ECM2: variants seen among roughly 807,000 people sequenced by gnomAD.
ECM2 encodes the protein extracellular matrix protein 2.
ECM2 carries 57 observed loss-of-function variants against 67.5 expected under a neutral mutation model. The ratio of observed to expected loss-of-function variants is 0.84; its 90% CI spans 0.68 to 1.05. ECM2 has a LOEUF of 1.05. Among genes scored for constraint, ECM2 ranks in the 50% least tolerant of loss-of-function variants. The pLI is 0.00. For missense variants in ECM2, 741 were observed against 822.8 expected (o/e 0.90, Z 1.22); for synonymous variants, 258 against 294.5 (o/e 0.88, Z 1.27).
At chr9:92,522,429 C>T (rs1848131266) in intron 2 of ECM2, 146 bp downstream of exon 2, 1 of 967,780 alleles carries the variant, frequency 1.0e-6, no homozygotes, top group Non-Finnish European at 1.4e-6. Context: ...TAGATTAAAC[C>T]AAAAAGTAAT....
rs145295181 is a variant in ECM2, at chr9:92,519,589, G to A, written c.293-1714C>T. Among the ~76,000 whole-genome samples the A allele has an allele frequency of 6.8e-4, 103 of 152,296 alleles. 1 individual carries two copies. Among genetic ancestry groups the A allele is most frequent in the Admixed American group, 1.7e-3 (26 of 15,286 alleles). On this transcript the variant is annotated intron_variant, in intron 2 of 9. Transcript: ENST00000344604. The stretch of plus-strand genomic sequence containing the variant: ...AACAATCTTCAACAACTAGTGCTGG[G>A]ACAACACCAGCAAGAGAATGAAGCT...
upstream of ECM2, among the ~76,000 whole-genome samples, chr9:92,536,869 A>T (rs796716057): frequency 0.11 from 15,406 of 141,474 alleles, 893 homozygotes; most frequent in Middle Eastern, 0.15. Flanking sequence ...TATTTTTTAA[A>T]TTTTTTTTTT....
intron 2 of ECM2, 21 bp downstream of exon 2, chr9:92,522,554 T>A: frequency 6.4e-7 from 1 of 1,562,818 alleles, no homozygotes; most frequent in Non-Finnish European, 8.7e-7. Flanking sequence ...TTTCTGTCTC[T>A]CTCTCATAGT....
chr9:92,507,884 G>A (rs896834712), intron 6 of ECM2, among the ~76,000 whole-genome samples: 2 of 152,152 alleles, frequency 1.3e-5, no homozygotes, highest in Admixed American at 6.5e-5. Flanking sequence ...CTTCAGCAAG[G>A]TGTGTGCAGC....
chr9:92,515,864 T>A (rs1847670353), intron 3 of ECM2, among the ~76,000 whole-genome samples: 1 of 152,188 alleles, frequency 6.6e-6, no homozygotes, highest in South Asian at 2.1e-4. Context: ...GTGATGTTGC[T>A]TTAACTTAGA....
rs1846331456 is a variant in ECM2, at chr9:92,496,103, CTG to C, written c.*210_*211del. The C allele has an allele frequency of 8.5e-7, 1 of 1,182,166 alleles. No homozygotes were observed. The highest frequency in any genetic ancestry group is 1.0e-6 in the Non-Finnish European group (1 of 957,210). The allele number at this position is 1,182,166 out of a possible 1,614,324, so 73.2% of individuals were successfully genotyped here. A position where few individuals can be genotyped will look rare whatever the true frequency, so the allele number is the denominator to read the frequency against. On this transcript the variant is annotated 3_prime_UTR_variant, in exon 10 of 10. Transcript: ENST00000344604. ...ATGGCCTCTTTCTAGAGGTAGGAAA[CTG>C]AGAGATTTTACCTTTACTATTAATA...
chr9:92,519,929 C>A (rs1347826781), intron 2 of ECM2, among the ~76,000 whole-genome samples: 2 of 151,046 alleles, frequency 1.3e-5, no homozygotes, highest in Non-Finnish European at 1.5e-5. Flanking sequence ...GTCCTGATAT[C>A]CAGAATATTC....
intron 1 of ECM2, among the ~76,000 whole-genome samples, chr9:92,526,501 C>A (rs1848418172): frequency 6.6e-6 from 1 of 151,426 alleles, no homozygotes; most frequent in Non-Finnish European, 1.5e-5. Context: ...TATAAACAAC[C>A]TAATAATACA....
At chr9:92,512,351 A>G (rs369961555) in intron 4 of ECM2, among the ~76,000 whole-genome samples, 41 of 152,358 alleles carry the variant, frequency 2.7e-4, no homozygotes, top group Non-Finnish European at 4.7e-4. Flanking sequence ...CTAAGGATTC[A>G]TCAAGCTGTA....
At chr9:92,555,614 T>A in the ECM2 span, among the ~76,000 whole-genome samples, 1 of 152,196 alleles carries the variant, frequency 6.6e-6, no homozygotes, top group African/African-American at 2.4e-5. Flanking sequence ...ATTTACAAGC[T>A]AGGAAGATTG....
chr9:92,513,822 T>C (rs1563978432), intron 4 of ECM2, among the ~76,000 whole-genome samples: 1 of 152,206 alleles, frequency 6.6e-6, no homozygotes, highest in Admixed American at 6.5e-5. Context: ...GAATGTCCTA[T>C]ATCTTAATTT....
chr9:92,540,473 C>A (rs1270625263), upstream of ECM2, among the ~76,000 whole-genome samples: 3 of 149,566 alleles, frequency 2.0e-5, no homozygotes, highest in South Asian at 4.2e-4. Context: ...ATAAAAACAT[C>A]TTAAAATAAT....
At chr9:92,512,148 T>G (rs776796835) in intron 4 of ECM2, 22 bp from the exon 5 acceptor site, 4 of 1,566,792 alleles carry the variant, frequency 2.6e-6, no homozygotes, top group East Asian at 2.2e-5. Flanking sequence ...AGCGGTTATG[T>G]TTTAGGCATG....
In ECM2 at chr9:92,529,985, C is replaced by T. The variant is rs572585460; in HGVS notation, c.-28+5948G>A. On this transcript the variant is annotated intron_variant, in intron 1 of 9. Coordinates refer to ENST00000344604, the MANE Select transcript of ECM2 (RefSeq NM_001393.4). ...GCAGACTTTTTTTTCTTGTCATTGT[C>T]CCCTAAATGATACAGTATAACAACT... is the stretch of plus-strand genomic sequence containing the variant. Among the ~76,000 whole-genome samples, 9 of 152,164 alleles carry T rather than the reference C, an allele frequency of 5.9e-5. No individual in the cohort carries two copies. In the South Asian group the frequency reaches 1.9e-3, roughly 32 times the overall value.
At chr9:92,547,369 C>G in the ECM2 span, among the ~76,000 whole-genome samples, 1 of 152,232 alleles carries the variant, frequency 6.6e-6, no homozygotes, top group South Asian at 2.1e-4. Context: ...CATTGCTACA[C>G]TATTCATAAC....
At chr9:92,545,052 G>T in the ECM2 span, among the ~76,000 whole-genome samples, 8 of 152,316 alleles carry the variant, frequency 5.3e-5, no homozygotes, top group African/African-American at 1.9e-4. Context: ...TTAAAAGACA[G>T]TAAGAAAATC....
chr9:92,518,894 A>G (rs540599953), intron 2 of ECM2, among the ~76,000 whole-genome samples: 1 of 152,298 alleles, frequency 6.6e-6, no homozygotes, highest in East Asian at 1.9e-4. Context: ...CCCTAAATAA[A>G]TAAATAAACA....
At position 92,496,212 on chromosome 9, in the gene ECM2, G is replaced by T. The variant is rs937620873; in HGVS notation, c.*103C>A. 77 of 1,454,324 alleles carry T rather than the reference G, an allele frequency of 5.3e-5. No individual in the cohort carries two copies. Among genetic ancestry groups the T allele is most frequent in the Non-Finnish European group, 6.6e-5 (74 of 1,113,766 alleles). The allele number at this position is 1,454,324 out of a possible 1,614,324, so 90.1% of individuals were successfully genotyped here. On this transcript the variant is annotated 3_prime_UTR_variant, in exon 10 of 10. Coordinates refer to ENST00000344604, the MANE Select transcript of ECM2 (RefSeq NM_001393.4). Reference sequence around the variant, plus strand: ...TGAATCAGGTTGACTAGCATATAATGATACTGAGTATAACAGGAGGATTAT... The same window carrying T: ...TGAATCAGGTTGACTAGCATATAATTATACTGAGTATAACAGGAGGATTAT...
the ECM2 span, among the ~76,000 whole-genome samples, chr9:92,555,003 T>TTTGTTGTTG: frequency 2.0e-3 from 304 of 149,826 alleles, 1 homozygote; most frequent in Admixed American, 6.5e-3. Context: ...GTCTGTATTG[T>TTTGTTGTTG]TTGTTGTTGT....
Sources: allele counts gnomAD v4.1 joint callset (sites outside exome capture counted in the v4.1 genomes callset), GRCh38; gene constraint gnomAD v4.1.1; transcripts MANE v1.5; gene names NCBI Gene and HGNC (gene_info 2026-07-23, HGNC 2026-07-21).